Variants in ATP9B observed in about 807,000 individuals in gnomAD.
The protein encoded by ATP9B is probable phospholipid-transporting ATPase IIB.
ATP9B carries 110 observed loss-of-function variants against 146.1 expected under a neutral mutation model. The ratio of observed to expected loss-of-function variants is 0.75; its 90% CI spans 0.65 to 0.88. ATP9B has a LOEUF of 0.88. ATP9B is among the 40% of genes least tolerant of loss of function. ATP9B has a pLI of 0.00. For missense variants in ATP9B, 1,499 were observed against 1,496.4 expected (o/e 1.00, Z -0.03); for synonymous variants, 604 against 569.7 (o/e 1.06, Z -0.86).
intron 26 of ATP9B, chr18:79,364,359 T>TA (rs1448381119): frequency 6.6e-6 from 1 of 152,056 alleles, no homozygotes. Context: ...AGTAATCAGT[T>TA]AGACAATGTG....
At chr18:79,200,801 A>AGAGCAGAGGTGGAGGTGGGAACGTTGGGG (rs1600409329) in intron 9 of ATP9B, among the ~76,000 whole-genome samples, 1 of 492 alleles carries the variant, frequency 2.0e-3, no homozygotes, top group Admixed American at 0.025. Flanking sequence ...AATTGTTTTC[A>AGAGCAGAGGTGGAGGTGGGAACGTTGGGG]TCAGAATAGA....
intron 12 of ATP9B, chr18:79,254,712 C>G (rs2145122938): frequency 6.5e-6 from 1 of 152,796 alleles, no homozygotes; most frequent in South Asian, 2.1e-4. Context: ...CTTCCCCGCT[C>G]TCCTCTCCCA....
At chr18:79,147,703 C>G (rs1305030765) in intron 6 of ATP9B, among the ~76,000 whole-genome samples, 1 of 151,972 alleles carries the variant, frequency 6.6e-6, no homozygotes, top group Non-Finnish European at 1.5e-5. Flanking sequence ...TAGCATGAAA[C>G]TCCTGTGGGG....
intron 8 of ATP9B, among the ~76,000 whole-genome samples, chr18:79,188,224 TA>T (rs773967911): frequency 6.6e-6 from 1 of 152,140 alleles, no homozygotes; most frequent in Non-Finnish European, 1.5e-5. Context: ...ACAACCTAAA[TA>T]AAACAAGCTA....
At chr18:79,254,195 A>G (rs936108817) in intron 12 of ATP9B, 2 of 152,422 alleles carry the variant, frequency 1.3e-5, no homozygotes, top group African/African-American at 4.8e-5. Context: ...TGGATAAAGT[A>G]TGAATCTAGA....
In ATP9B at chr18:79,145,043, G is replaced by A. The variant is rs535838698; in HGVS notation, c.726+1183G>A. On this transcript the variant is annotated intron_variant, in intron 6 of 29. Transcript: ENST00000426216. ...AAGCTGCATGTCGGGGGAGCTGGCGGTGTGCAGAGTGACTGAAGGTGCAAG... is the reference window on the plus strand; with the variant it reads ...AAGCTGCATGTCGGGGGAGCTGGCGATGTGCAGAGTGACTGAAGGTGCAAG... 2.2e-4 allele frequency: 47 copies of A among 215,286 alleles called. No homozygotes were observed. The South Asian group carries it at 2.6e-3, about 12-fold the overall frequency. The allele number at this position is 215,286 out of a possible 1,614,324, so 13.3% of individuals were successfully genotyped here.
intron 2 of ATP9B, among the ~76,000 whole-genome samples, chr18:79,106,416 T>C (rs923513788): frequency 6.6e-6 from 1 of 152,220 alleles, no homozygotes; most frequent in Non-Finnish European, 1.5e-5. Context: ...ACAGTGTTTA[T>C]GTATCCTTGG....
intron 15 of ATP9B, among the ~76,000 whole-genome samples, chr18:79,316,180 G>A (rs73973070): frequency 2.6e-5 from 4 of 152,160 alleles, no homozygotes; most frequent in Non-Finnish European, 4.4e-5. Context: ...TGATGACATC[G>A]GAAACAGGAT....
At chr18:79,192,085 AGG>A (rs1048507765) in intron 8 of ATP9B, among the ~76,000 whole-genome samples, 1 of 152,082 alleles carries the variant, frequency 6.6e-6, no homozygotes, top group African/African-American at 2.4e-5. Context: ...AGGGCATGAT[AGG>A]TTAGGTGTCA....
chr18:79,159,573 T>C (rs1211306019), intron 7 of ATP9B, among the ~76,000 whole-genome samples: 1 of 152,088 alleles, frequency 6.6e-6, no homozygotes, highest in African/African-American at 2.4e-5. Context: ...ACCTGTTCAT[T>C]AACTCTTAGC....
intron 11 of ATP9B, among the ~76,000 whole-genome samples, chr18:79,221,919 T>C (rs1049401012): frequency 1.5e-5 from 2 of 135,264 alleles, no homozygotes; most frequent in Non-Finnish European, 3.1e-5. Context: ...TGTTCTTTTT[T>C]AGCTGCTTTA....
intron 13 of ATP9B, 90 bp from the exon 14 acceptor site, chr18:79,303,514 G>T: frequency 1.0e-6 from 1 of 987,428 alleles, no homozygotes; most frequent in East Asian, 2.4e-5. Context: ...TTCAGCCCAT[G>T]AATGTGCAGC....
intron 11 of ATP9B, among the ~76,000 whole-genome samples, chr18:79,227,764 C>T (rs1310241149): frequency 3.3e-5 from 5 of 152,162 alleles, no homozygotes; most frequent in South Asian, 2.1e-4. Flanking sequence ...TGTGCCTTCC[C>T]GGGAGGTTCT....
intron 12 of ATP9B, among the ~76,000 whole-genome samples, chr18:79,266,854 A>G (rs1278286205): frequency 6.6e-6 from 1 of 151,940 alleles, no homozygotes; most frequent in Non-Finnish European, 1.5e-5. Context: ...ATTTACTTGT[A>G]TTTTCTGTGA....
At chr18:79,155,324 G>A (rs1438905304) in intron 7 of ATP9B, among the ~76,000 whole-genome samples, 1 of 152,154 alleles carries the variant, frequency 6.6e-6, no homozygotes, top group Non-Finnish European at 1.5e-5. Context: ...CTGTTTATAT[G>A]ACCTGAGCTT....
In ATP9B at chr18:79,371,592, C is replaced by T. The variant is rs2097070909; in HGVS notation, c.3013-1233C>T. 2.6e-5 allele frequency among the ~76,000 whole-genome samples: 4 copies of T among 152,230 alleles called. No individual in the cohort carries two copies. The South Asian group carries it at 8.3e-4, about 31-fold the overall frequency. Reference sequence around the variant, plus strand: ...TAATTCATAAATCTGCCACTGGTGGCCTCCTGCAGGAATATAGCCGCATTT... The same window carrying T: ...TAATTCATAAATCTGCCACTGGTGGTCTCCTGCAGGAATATAGCCGCATTT... On this transcript the variant is annotated intron_variant, in intron 26 of 29. Coordinates refer to ENST00000426216, the MANE Select transcript of ATP9B (RefSeq NM_198531.5).
At position 79,337,288 on chromosome 18, in the gene ATP9B, A is replaced by G; in HGVS notation, c.2122A>G (p.Thr708Ala). 6.2e-7 allele frequency: 1 copy of G among 1,613,812 alleles called. No homozygotes were observed. Among genetic ancestry groups the G allele is most frequent in the Non-Finnish European group, 8.5e-7 (1 of 1,179,946 alleles). The change falls in exon 19 of 30, where the codon ACT becomes GCT. Residue 708 changes from threonine to alanine, a missense_variant. Thr to Ala is a moderately conservative substitution (Grantham distance 58). Transcript: ENST00000426216. ...CCCCCTCTGTCCCCAGAGCCGATAC[A>G]CTCAAGCCAAGCTGAGCATGCACGA... Reference protein sequence around the residue: ...EQYQDFESRYTQAKLSMHDRS... With the variant: ...EQYQDFESRYAQAKLSMHDRS...
intron 26 of ATP9B, chr18:79,372,463 T>C (rs2097077304): frequency 9.7e-6 from 4 of 412,718 alleles, no homozygotes; most frequent in Non-Finnish European, 1.9e-5. Flanking sequence ...GAAGTATTTG[T>C]TGACAAGAAA....
At chr18:79,082,832 G>T (rs984739138) in intron 1 of ATP9B, among the ~76,000 whole-genome samples, 18 of 152,202 alleles carry the variant, frequency 1.2e-4, no homozygotes, top group African/African-American at 4.3e-4. Flanking sequence ...CCGGTATGAG[G>T]TGTCTGTTGA....
Sources: gnomAD v4.1 joint callset for allele counts (sites outside exome capture counted in the v4.1 genomes callset) on GRCh38, gnomAD v4.1.1 for gene constraint, MANE v1.5 for transcripts, NCBI Gene and HGNC (gene_info 2026-07-23, HGNC 2026-07-21) for gene names.